ADGRG6: variants seen among roughly 807,000 people sequenced by gnomAD.
The protein encoded by ADGRG6 is G-protein coupled receptor 126.
ADGRG6 carries 84 observed loss-of-function variants against 142.4 expected under a neutral mutation model. The observed-to-expected ratio is 0.59, with a 90% CI of 0.49 to 0.71. The LOEUF (loss-of-function observed/expected upper bound fraction) is 0.71, where lower values mean the gene tolerates loss of function less well. Ranked by LOEUF, ADGRG6 falls within the 30% of genes least tolerant of loss-of-function variation. The probability of loss-of-function intolerance (pLI) is 0.00; values close to 1 mark genes in which losing one functional copy is unlikely to be tolerated. For synonymous variants in ADGRG6, 521 were observed against 520.5 expected (o/e 1.00, Z -0.01); for missense variants, 1,367 against 1,466.6 (o/e 0.93, Z 1.11).
At chr6:142,390,166 G>A in intron 6 of ADGRG6, 92 bp from the exon 7 acceptor site, 1 of 499,542 alleles carries the variant, frequency 2.0e-6, no homozygotes, top group South Asian at 4.9e-5. Context: ...ATATGATTAT[G>A]TAAGACTTAC....
chr6:142,333,625 C>A (rs1311680220), intron 2 of ADGRG6, among the ~76,000 whole-genome samples: 1 of 152,166 alleles, frequency 6.6e-6, no homozygotes, highest in Non-Finnish European at 1.5e-5. Context: ...GCTGGGATTA[C>A]AGGCATGAGT....
intron 2 of ADGRG6, among the ~76,000 whole-genome samples, chr6:142,353,817 C>A (rs191131596): frequency 6.6e-6 from 1 of 152,274 alleles, no homozygotes; most frequent in African/African-American, 2.4e-5. Flanking sequence ...AAAATGACGT[C>A]ATGAAGCAAA....
intron 6 of ADGRG6, among the ~76,000 whole-genome samples, chr6:142,387,501 T>C (rs1404415275): frequency 6.6e-6 from 1 of 152,246 alleles, no homozygotes; most frequent in Non-Finnish European, 1.5e-5. Context: ...ATGTAGGAGC[T>C]GCAGGATGCC....
chr6:142,359,959 G>A (rs1326433815), intron 2 of ADGRG6, among the ~76,000 whole-genome samples: 3 of 152,168 alleles, frequency 2.0e-5, no homozygotes, highest in East Asian at 1.9e-4. Flanking sequence ...GTTAGTTGCA[G>A]GTGACAAGAA....
chr6:142,433,784 G>A (rs1777335339), intron 22 of ADGRG6, among the ~76,000 whole-genome samples: 1 of 152,174 alleles, frequency 6.6e-6, no homozygotes, highest in Non-Finnish European at 1.5e-5. Context: ...AGCCAGTCAC[G>A]ATGGCTCATG....
chr6:142,318,651 T>A (rs1406905485), intron 2 of ADGRG6, among the ~76,000 whole-genome samples: 3 of 151,526 alleles, frequency 2.0e-5, no homozygotes, highest in Non-Finnish European at 4.4e-5. Flanking sequence ...TAAAACTGTG[T>A]CTTCTGATGA....
At chr6:142,327,199 T>TA (rs1778819006) in intron 2 of ADGRG6, among the ~76,000 whole-genome samples, 1 of 151,024 alleles carries the variant, frequency 6.6e-6, no homozygotes, top group Non-Finnish European at 1.5e-5. Flanking sequence ...CCTCATAAAA[T>TA]AAAGAATGAG....
chr6:142,436,237 A>G (rs1363887626), intron 22 of ADGRG6, among the ~76,000 whole-genome samples: 1 of 152,186 alleles, frequency 6.6e-6, no homozygotes, highest in African/African-American at 2.4e-5. Context: ...ACCCGGGACC[A>G]AGTCATGGAC....
chr6:142,359,053 A>T (rs904677530), intron 2 of ADGRG6, among the ~76,000 whole-genome samples: 1 of 151,560 alleles, frequency 6.6e-6, no homozygotes, highest in African/African-American at 2.4e-5. Flanking sequence ...TTAAAAAAAA[A>T]AAAAATATCT....
intron 2 of ADGRG6, among the ~76,000 whole-genome samples, chr6:142,324,771 T>A (rs540542842): frequency 1.3e-5 from 2 of 152,262 alleles, no homozygotes; most frequent in African/African-American, 4.8e-5. Context: ...TGCCATATTG[T>A]GTTTTATGAT....
intron 4 of ADGRG6, among the ~76,000 whole-genome samples, chr6:142,380,787 T>G (rs965425938): frequency 3.3e-5 from 5 of 152,198 alleles, no homozygotes; most frequent in African/African-American, 9.6e-5. Flanking sequence ...ACTTCCCTAA[T>G]AGCACTTAGA....
At chr6:142,443,234 C>A in intron 24 of ADGRG6, 103 bp from the exon 25 acceptor site, 1 of 648,970 alleles carries the variant, frequency 1.5e-6, no homozygotes, top group African/African-American at 1.9e-5. Context: ...GCTTTATTTT[C>A]TTTTGTTCTT....
chr6:142,327,325 T>C (rs996172112), intron 2 of ADGRG6, among the ~76,000 whole-genome samples: 1 of 152,054 alleles, frequency 6.6e-6, no homozygotes, highest in Non-Finnish European at 1.5e-5. Flanking sequence ...ACAGCAACTT[T>C]CTGTGTAAAC....
chr6:142,418,134 A>C (rs1167665830), intron 21 of ADGRG6, among the ~76,000 whole-genome samples: 1 of 151,944 alleles, frequency 6.6e-6, no homozygotes, highest in African/African-American at 2.4e-5. Flanking sequence ...ATCTCTATTA[A>C]AAATACAAAA....
intron 2 of ADGRG6, among the ~76,000 whole-genome samples, chr6:142,330,337 A>T (rs1778988416): frequency 6.6e-6 from 1 of 152,130 alleles, no homozygotes; most frequent in Admixed American, 6.5e-5. Context: ...TCCTGAACTT[A>T]CAAGTTAAAA....
rs1024625354 is a variant in ADGRG6, at chr6:142,315,865, A to C, written c.103+6221A>C. On this transcript the variant is annotated intron_variant, in intron 2 of 24. Transcript: ENST00000367609. The stretch of plus-strand genomic sequence containing the variant: ...TAAATAAATAAATAAATAAATAAAT[A>C]AATAAAGCAAGGTTCTTTGGCAGCA... Among the ~76,000 whole-genome samples the C allele has an allele frequency of 2.8e-5, 4 of 141,092 alleles. No individual in the cohort carries two copies. In the East Asian group the frequency reaches 8.3e-4, roughly 29 times the overall value. 92.6% of individuals were successfully genotyped at this position (141,092 alleles called of 152,430 possible).
chr6:142,339,322 G>A (rs887145823), intron 2 of ADGRG6, among the ~76,000 whole-genome samples: 2 of 152,140 alleles, frequency 1.3e-5, no homozygotes, highest in Admixed American at 1.3e-4. Context: ...AATGCTTCCA[G>A]AAAAGCTGGA....
intron 2 of ADGRG6, among the ~76,000 whole-genome samples, chr6:142,361,696 G>A (rs1328655691): frequency 6.6e-6 from 1 of 152,158 alleles, no homozygotes; most frequent in Non-Finnish European, 1.5e-5. Flanking sequence ...TCCAGAGTTG[G>A]GGGTTTGCAG....
At chr6:142,373,530 A>C (rs1378704891) in intron 4 of ADGRG6, among the ~76,000 whole-genome samples, 6 of 152,212 alleles carry the variant, frequency 3.9e-5, no homozygotes, top group Non-Finnish European at 2.9e-5. Flanking sequence ...GTAACAGGCC[A>C]TGCATTTTTG....
Sources: allele counts gnomAD v4.1 joint callset (sites outside exome capture counted in the v4.1 genomes callset), GRCh38; gene constraint gnomAD v4.1.1; transcripts MANE v1.5; gene names NCBI Gene and HGNC (gene_info 2026-07-23, HGNC 2026-07-21).